PIK3C2B: variants seen among roughly 807,000 people sequenced by gnomAD.
The protein encoded by PIK3C2B is phosphatidylinositol-4-phosphate 3-kinase catalytic subunit type 2 beta.
In PIK3C2B, 83 loss-of-function variants were observed where a neutral mutation model predicts 184.3. That is an observed-to-expected ratio of 0.45 (90% CI 0.38 to 0.54). The LOEUF (loss-of-function observed/expected upper bound fraction) is 0.54, where lower values mean the gene tolerates loss of function less well. Ranked by LOEUF, PIK3C2B falls within the 20% of genes least tolerant of loss-of-function variation. The pLI is 0.00. For synonymous variants in PIK3C2B, 779 were observed against 837.6 expected, an observed-to-expected ratio of 0.93 and a Z score of 1.21; for missense variants, 1,736 against 2,113.5, an observed-to-expected ratio of 0.82 and a Z score of 3.50.
At chr1:204,467,079 G>A (rs757137740) in intron 2 of PIK3C2B, 5 of 417,388 alleles carry the variant, frequency 1.2e-5, no homozygotes, top group East Asian at 6.0e-5. Context: ...CTTTGTGTCC[G>A]CTTCTTCAAG....
rs1040606553 is a variant in PIK3C2B, at chr1:204,424,823, T to A, written c.*29A>T. On this transcript the variant is annotated 3_prime_UTR_variant, in exon 33 of 33. Transcript: ENST00000684373. Reference sequence around the variant, plus strand: ...TCTCCCCCAGCTCCTGCCACCAGCCTGGGATGCTGGGTGGTGGCTCTGCTG... The same window carrying A: ...TCTCCCCCAGCTCCTGCCACCAGCCAGGGATGCTGGGTGGTGGCTCTGCTG... The A allele has an allele frequency of 1.2e-6, 2 of 1,609,558 alleles. No homozygotes were observed. The highest frequency in any genetic ancestry group is 2.7e-5 in the African/African-American group (2 of 74,844).
chr1:204,428,133 C>G lies in PIK3C2B; in HGVS notation c.4480+6G>C. The stretch of plus-strand genomic sequence containing the variant: ...TGGCAGTAAGGTCTCAGAGAAGATA[C>G]TGTACCTGAGGACTTAGGAGCTGGG... On this transcript the variant is annotated splice_donor_region_variant and intron_variant, in intron 30 of 32. Transcript: ENST00000684373. 6.4e-7 allele frequency: 1 copy of G among 1,573,476 alleles called. No homozygotes were observed. Among genetic ancestry groups the G allele is most frequent in the South Asian group, 1.1e-5 (1 of 89,848 alleles).
chr1:204,451,156 G>T (rs2103491042), intron 12 of PIK3C2B, among the ~76,000 whole-genome samples: 1 of 152,340 alleles, frequency 6.6e-6, no homozygotes, highest in East Asian at 1.9e-4. Flanking sequence ...GCCAGGCCAG[G>T]GCTTGGCTGG....
intron 23 of PIK3C2B, 38 bp downstream of exon 23, chr1:204,438,893 GCACA>G: frequency 6.4e-7 from 1 of 1,553,284 alleles, no homozygotes. Context: ...CCGGCATCAG[GCACA>G]CACACACACC....
At chr1:204,454,237 C>G (rs1037807564) in intron 12 of PIK3C2B, among the ~76,000 whole-genome samples, 1 of 149,086 alleles carries the variant, frequency 6.7e-6, no homozygotes, top group African/African-American at 2.5e-5. Flanking sequence ...AATCCCAGCA[C>G]TCTGGGAGGC....
chr1:204,454,209 G>A (rs1020431137), intron 12 of PIK3C2B, among the ~76,000 whole-genome samples: 7 of 149,892 alleles, frequency 4.7e-5, no homozygotes, highest in South Asian at 4.2e-4. Flanking sequence ...GAGGCCAGGC[G>A]TGGTGGCTCA....
At chr1:204,470,296 T>C (rs1230845230) in intron 1 of PIK3C2B, among the ~76,000 whole-genome samples, 1 of 151,934 alleles carries the variant, frequency 6.6e-6, no homozygotes, top group Non-Finnish European at 1.5e-5. Flanking sequence ...GCCTCCCTAG[T>C]AGCTGGGATT....
At chr1:204,430,368 T>A (rs1466108659) in intron 28 of PIK3C2B, among the ~76,000 whole-genome samples, 3 of 151,346 alleles carry the variant, frequency 2.0e-5, no homozygotes, top group African/African-American at 7.3e-5. Context: ...TTTTTTGAGA[T>A]GGAGTCTCGC....
In PIK3C2B at chr1:204,447,494, G is replaced by A. The variant is rs1375785942; in HGVS notation, c.2431C>T (p.Leu811Phe). 1 of 1,613,804 alleles carries A rather than the reference G, an allele frequency of 6.2e-7. No homozygotes were observed. The highest frequency in any genetic ancestry group is 8.5e-7 in the Non-Finnish European group (1 of 1,179,894). ...AGCTTGCGCTGGTCTTCTTCCCGGA[G>A]GCTGCCAAACTCATAGCGGGGGCTG... The part of the protein sequence containing the change: ...KFSPRYEFGS[L>F]REEDQRKLKD... Residue 811 changes from leucine to phenylalanine, a missense_variant, in exon 15 of 33, where the codon CTC becomes TTC. Physicochemically the swap from Leu to Phe is conservative, Grantham distance 22. Around this residue, in one of 8 missense-constraint regions of PIK3C2B, gnomAD observed 609 missense variants for 699.2 expected, o/e 0.87. Coordinates refer to ENST00000684373, the MANE Select transcript of PIK3C2B (RefSeq NM_001377334.1). The surrounding 1 kb of genome is among the most constrained non-coding windows in gnomAD (Gnocchi z 4.1).
intron 1 of PIK3C2B, among the ~76,000 whole-genome samples, chr1:204,474,085 G>T (rs895562014): frequency 3.5e-5 from 5 of 141,354 alleles, no homozygotes; most frequent in Non-Finnish European, 6.0e-5. Flanking sequence ...TCCGCCTCCC[G>T]GGTTCAAGCG....
chr1:204,477,026 GT>G lies in PIK3C2B; in HGVS notation c.-84-7141del, dbSNP rs1459154710. Among the ~76,000 whole-genome samples the G allele has an allele frequency of 7.2e-5, 11 of 152,306 alleles. No homozygotes were observed. The East Asian group carries it at 1.9e-3, about 27-fold the overall frequency. On this transcript the variant is annotated intron_variant, in intron 1 of 32. Transcript: ENST00000684373. Reference sequence around the variant, plus strand: ...AAAAGTAAGATGCCCTTTGCAAAGTGTTTGTAAGAAACACTTTGCCTCTAAA... The same window carrying G: ...AAAAGTAAGATGCCCTTTGCAAAGTGTTGTAAGAAACACTTTGCCTCTAAA...
chr1:204,444,414 G>T lies in PIK3C2B; in HGVS notation c.2689C>A (p.Gln897Lys). 1 of 1,612,808 alleles carries T rather than the reference G, an allele frequency of 6.2e-7. No individual in the cohort carries two copies. The highest frequency in any genetic ancestry group is 8.5e-7 in the Non-Finnish European group (1 of 1,179,388). ...TGCACAGCCATACGACGCACCTCCTGGTCCGGGAAGCTGCAAAACAGAGCC... is the reference window on the plus strand; with the variant it reads ...TGCACAGCCATACGACGCACCTCCTTGTCCGGGAAGCTGCAAAACAGAGCC... ...LGLLHATFPD[Q>K]EVRRMAVQWI... Residue 897 changes from glutamine to lysine, a missense_variant, in exon 17 of 33, where the codon CAG becomes AAG. This residue lies in a region of PIK3C2B where 289 missense variants were observed against 380.4 expected (regional missense o/e 0.76). Coordinates refer to ENST00000684373, the MANE Select transcript of PIK3C2B (RefSeq NM_001377334.1).
Position 204,469,298 on chromosome 1 carries a change from G to A in PIK3C2B, c.505C>T (p.Pro169Ser). ...GACCCCTTTCTGGGAGGCAGGGGAG[G>A]GGTATCCCAGATAGAAGCTCGGGGA... ...LPPRASIWDT[P>S]PLPPRKGSPS... Residue 169 changes from proline (P) to serine (S), a missense_variant, in exon 2 of 33, where the codon CCT (proline) becomes TCT (serine). This residue lies in a region of PIK3C2B where 404 missense variants were observed against 418.0 expected (regional missense o/e 0.97). Coordinates refer to ENST00000684373, the MANE Select transcript of PIK3C2B (RefSeq NM_001377334.1). 6.5e-7 allele frequency: 1 copy of A among 1,539,076 alleles called. No individual in the cohort carries two copies.
At chr1:204,443,736 A>G (rs1653590640) in intron 18 of PIK3C2B, 139 bp from the exon 19 acceptor site, 2 of 741,360 alleles carry the variant, frequency 2.7e-6, no homozygotes, top group African/African-American at 1.7e-5. Context: ...TTCTGTATGT[A>G]CGGCTCATAT....
intron 1 of PIK3C2B, among the ~76,000 whole-genome samples, chr1:204,477,446 T>A (rs1260342340): frequency 6.6e-6 from 1 of 152,074 alleles, no homozygotes; most frequent in Non-Finnish European, 1.5e-5. Flanking sequence ...GGTGCCAGGG[T>A]CTGAGCTGCA....
chr1:204,465,184 C>G, intron 3 of PIK3C2B, 35 bp downstream of exon 3: 3 of 851,464 alleles, frequency 3.5e-6, no homozygotes, highest in Non-Finnish European at 5.9e-6. Flanking sequence ...TCCCCCATAG[C>G]CCTCCCAAAT....
At chr1:204,482,946 G>A (rs2103533030) in intron 1 of PIK3C2B, among the ~76,000 whole-genome samples, 1 of 152,226 alleles carries the variant, frequency 6.6e-6, no homozygotes, top group Non-Finnish European at 1.5e-5. Flanking sequence ...CCCTAGACAT[G>A]TTGCAGCCGT....
chr1:204,486,589 G>A (rs1224842349), intron 1 of PIK3C2B, among the ~76,000 whole-genome samples: 1 of 151,980 alleles, frequency 6.6e-6, no homozygotes, highest in East Asian at 1.9e-4. Context: ...AAGTAGCCGG[G>A]CATGAAGGCA....
At chr1:204,461,568 A>G (rs144642508) in intron 5 of PIK3C2B, among the ~76,000 whole-genome samples, 1 of 152,308 alleles carries the variant, frequency 6.6e-6, no homozygotes, top group African/African-American at 2.4e-5. Flanking sequence ...TAAGGGGGGC[A>G]GTATATGTAA....
Sources: gnomAD v4.1 joint callset for allele counts (sites outside exome capture counted in the v4.1 genomes callset) on GRCh38, gnomAD v4.1.1 for gene constraint, gnomAD v4.1.1 regional missense constraint, Gnocchi (gnomAD v3.1) non-coding constraint, MANE v1.5 for transcripts, NCBI Gene and HGNC (gene_info 2026-07-23, HGNC 2026-07-21) for gene names.